The following ANTXR2 variants were observed in gnomAD, a reference collection of about 807,000 sequenced individuals.
ANTXR2 encodes anthrax toxin receptor 2.
Under a neutral mutation model 73.7 loss-of-function variants are expected in ANTXR2, and 44 were observed. That is an observed-to-expected ratio of 0.60 (90% confidence interval 0.47 to 0.77). ANTXR2 has a LOEUF of 0.77. ANTXR2 is among the 30% of genes least tolerant of loss of function. The probability of loss-of-function intolerance (pLI) is 0.00; values close to 1 mark genes in which losing one functional copy is unlikely to be tolerated. For synonymous variants in ANTXR2, 217 were observed against 205.9 expected (o/e 1.05, Z -0.46); for missense variants, 604 against 592.5 (o/e 1.02, Z -0.20).
intron 12 of ANTXR2, among the ~76,000 whole-genome samples, chr4:79,990,407 T>G (rs944556782): frequency 2.1e-5 from 2 of 95,764 alleles, no homozygotes; most frequent in African/African-American, 6.5e-5. Flanking sequence ...AAAAAACACC[T>G]TGTAATACAG....
chr4:80,044,112 G>A (rs149777831), intron 7 of ANTXR2, among the ~76,000 whole-genome samples: 12 of 151,838 alleles, frequency 7.9e-5, no homozygotes, highest in African/African-American at 2.7e-4. Flanking sequence ...TGCCTATATG[G>A]TTACAATCAA....
Position 79,989,310 on chromosome 4 carries a change from T to C in ANTXR2, c.1042-4447A>G, listed in dbSNP as rs139144728. Among the ~76,000 whole-genome samples the C allele has an allele frequency of 4.6e-3, 692 of 152,002 alleles. 10 individuals carry two copies. Among genetic ancestry groups the C allele is most frequent in the African/African-American group, 0.016 (657 of 41,530 alleles). On this transcript the variant is annotated intron_variant, in intron 12 of 16. Coordinates refer to ENST00000403729, the MANE Select transcript of ANTXR2 (RefSeq NM_058172.6). ...ATAATCAGAAATGACAAAGGGGACA[T>C]TAGAGATCCCAAAGAAATACAAGAA... is the stretch of plus-strand genomic sequence containing the variant.
intron 16 of ANTXR2, among the ~76,000 whole-genome samples, chr4:79,918,366 C>T (rs1727436984): frequency 6.6e-6 from 1 of 151,922 alleles, no homozygotes; most frequent in Non-Finnish European, 1.5e-5. Flanking sequence ...CTCAGTTAAC[C>T]ATGAGAAGGA....
At chr4:79,913,527 A>C (rs1384941033) in intron 16 of ANTXR2, among the ~76,000 whole-genome samples, 4 of 152,098 alleles carry the variant, frequency 2.6e-5, no homozygotes. Context: ...AGGCTCTTTA[A>C]TTTTCATACC....
chr4:79,923,161 C>T (rs563597417), intron 16 of ANTXR2, among the ~76,000 whole-genome samples: 42 of 152,112 alleles, frequency 2.8e-4, no homozygotes, highest in African/African-American at 9.9e-4. Context: ...TAGTCAATAG[C>T]TATCTAAAGC....
chr4:79,915,856 C>A (rs200072890), intron 16 of ANTXR2, among the ~76,000 whole-genome samples: 5,664 of 111,700 alleles, frequency 0.051, 114 homozygotes, highest in Non-Finnish European at 0.057. Flanking sequence ...CTCTCTCTCT[C>A]TCTCTCTATA....
At chr4:79,991,333 A>G (rs1372632742) in intron 12 of ANTXR2, among the ~76,000 whole-genome samples, 3 of 152,184 alleles carry the variant, frequency 2.0e-5, no homozygotes. Context: ...TACAAGGCCA[A>G]CAAGCTTATA....
intron 16 of ANTXR2, among the ~76,000 whole-genome samples, chr4:79,961,590 C>A (rs1259930626): frequency 6.6e-6 from 1 of 152,026 alleles, no homozygotes; most frequent in African/African-American, 2.4e-5. Context: ...ATGTTCCACT[C>A]TACCAGGCTA....
chr4:80,015,870 G>T, intron 11 of ANTXR2, among the ~76,000 whole-genome samples: 1 of 40,148 alleles, frequency 2.5e-5, no homozygotes, highest in Non-Finnish European at 5.0e-5. Flanking sequence ...GGAAAGGAAA[G>T]GAAAGGAAAG....
chr4:80,033,645 G>C, intron 8 of ANTXR2, 75 bp from the exon 9 acceptor site: 12 of 1,064,724 alleles, frequency 1.1e-5, no homozygotes, highest in Non-Finnish European at 1.6e-5. Context: ...TGAAATGAAA[G>C]TATTAAGGTG....
At chr4:79,963,657 G>T (rs1389113857) in intron 16 of ANTXR2, among the ~76,000 whole-genome samples, 1 of 152,118 alleles carries the variant, frequency 6.6e-6, no homozygotes, top group East Asian at 1.9e-4. Context: ...AAGAAAGGGA[G>T]CCTAAATTTT....
intron 7 of ANTXR2, among the ~76,000 whole-genome samples, chr4:80,050,552 T>C (rs1733725849): frequency 6.6e-6 from 1 of 151,638 alleles, no homozygotes. Flanking sequence ...TCTCAATTGT[T>C]ATCTCATTTA....
chr4:80,065,514 G>A lies in ANTXR2; in HGVS notation c.296+3922C>T, dbSNP rs777563257. On this transcript the variant is annotated intron_variant, in intron 3 of 16. Transcript: ENST00000403729. Reference sequence around the variant, plus strand: ...TGGAGGAATGGACTAACAGACATATGGAGGGTAAAAATCATGAGAGCAAGA... The same window carrying A: ...TGGAGGAATGGACTAACAGACATATAGAGGGTAAAAATCATGAGAGCAAGA... 5.9e-5 allele frequency among the ~76,000 whole-genome samples: 9 copies of A among 152,272 alleles called. 1 individual carries two copies. The highest frequency in any genetic ancestry group is 3.9e-4 in the East Asian group (2 of 5,184).
chr4:80,072,629 G>A lies in ANTXR2; in HGVS notation c.-69C>T. On this transcript the variant is annotated 5_prime_UTR_variant, in exon 1 of 17. Transcript: ENST00000403729. ...TAAGCTCAGGAGGGTCGCAAAGGTG[G>A]CGGGAGTCACCCGGCACGCACTCTG... The A allele has an allele frequency of 7.3e-7, 1 of 1,378,224 alleles. No individual in the cohort carries two copies. Among genetic ancestry groups the A allele is most frequent in the Non-Finnish European group, 9.4e-7 (1 of 1,067,256 alleles). 85.4% of individuals were successfully genotyped at this position (1,378,224 alleles called of 1,614,324 possible).
In ANTXR2 at chr4:79,989,689, C is replaced by G. The variant is rs183265886; in HGVS notation, c.1042-4826G>C. Among the ~76,000 whole-genome samples, 693 of 152,120 alleles carry G rather than the reference C, an allele frequency of 4.6e-3. 10 individuals carry two copies. Among genetic ancestry groups the G allele is most frequent in the African/African-American group, 0.016 (658 of 41,538 alleles). ...TCAGAGATACAATGAAAAAAGAAAA[C>G]TTCAGGCCAATATGCCTGATGAACA... On this transcript the variant is annotated intron_variant, in intron 12 of 16. Coordinates refer to ENST00000403729, the MANE Select transcript of ANTXR2 (RefSeq NM_058172.6).
intron 7 of ANTXR2, among the ~76,000 whole-genome samples, chr4:80,050,849 T>C (rs1353929898): frequency 6.6e-6 from 1 of 151,704 alleles, no homozygotes; most frequent in African/African-American, 2.4e-5. Flanking sequence ...TGCATGGCCA[T>C]TATATAAATC....
chr4:80,035,346 C>T (rs913806618), intron 8 of ANTXR2, among the ~76,000 whole-genome samples: 3 of 152,006 alleles, frequency 2.0e-5, no homozygotes, highest in Non-Finnish European at 4.4e-5. Flanking sequence ...GTACATTACA[C>T]AACATATTTT....
rs927509680 is a variant in ANTXR2, at chr4:80,060,066, A to G, written c.297-4053T>C. The stretch of plus-strand genomic sequence containing the variant: ...ACTTTCCAGATTTCAAAGCTCTTTC[A>G]GGATTTCAGTCAATGAGTCTACACT... On this transcript the variant is annotated intron_variant, in intron 3 of 16. Transcript: ENST00000403729. 2.7e-5 allele frequency among the ~76,000 whole-genome samples: 4 copies of G among 146,320 alleles called. No individual in the cohort carries two copies. In the East Asian group the frequency reaches 1.6e-3, roughly 58 times the overall value.
chr4:79,915,862 C>CTCTCTATA lies in ANTXR2; in HGVS notation c.1429-8396_1429-8395insTATAGAGA, dbSNP rs377006532. 1.1e-3 allele frequency among the ~76,000 whole-genome samples: 137 copies of CTCTCTATA among 123,880 alleles called. 1 individual carries two copies. The highest frequency in any genetic ancestry group is 2.0e-3 in the African/African-American group (67 of 32,918). 81.3% of individuals were successfully genotyped at this position (123,880 alleles called of 152,430 possible). A position where few individuals can be genotyped will look rare whatever the true frequency, so the allele number is the denominator to read the frequency against. ...TCTCTCTCTCTCTCTCTCTCTCTCT[C>CTCTCTATA]TATATATATATATATACATAAAGAA... On this transcript the variant is annotated intron_variant, in intron 16 of 16. Coordinates refer to ENST00000403729, the MANE Select transcript of ANTXR2 (RefSeq NM_058172.6).
Sources: gnomAD v4.1 joint callset for allele counts (sites outside exome capture counted in the v4.1 genomes callset) on GRCh38, gnomAD v4.1.1 for gene constraint, MANE v1.5 for transcripts, NCBI Gene and HGNC (gene_info 2026-07-23, HGNC 2026-07-21) for gene names.